Variants in NLK observed in about 807,000 individuals in gnomAD.
NLK encodes the protein nemo like kinase, also known as serine/threonine-protein kinase NLK.
Under a neutral mutation model 59.0 loss-of-function variants are expected in NLK, and 11 were observed. The ratio of observed to expected loss-of-function variants is 0.19; its 90% CI spans 0.12 to 0.31. NLK has a LOEUF of 0.31. Among genes scored for constraint, NLK ranks in the 10% least tolerant of loss-of-function variants. The probability of loss-of-function intolerance (pLI) is 1.00; values close to 1 mark genes in which losing one functional copy is unlikely to be tolerated. For synonymous variants in NLK, 235 were observed against 235.9 expected (o/e 1.00, Z 0.03); for missense variants, 410 against 661.1 (o/e 0.62, Z 4.16).
intron 1 of NLK, among the ~76,000 whole-genome samples, chr17:28,109,714 A>T (rs988030250): frequency 6.6e-6 from 1 of 152,234 alleles, no homozygotes; most frequent in Admixed American, 6.5e-5. Flanking sequence ...GATGTATCAT[A>T]GTTTATGCAT....
At chr17:28,068,617 C>T (rs545804641) in intron 1 of NLK, among the ~76,000 whole-genome samples, 1 of 152,088 alleles carries the variant, frequency 6.6e-6, no homozygotes, top group South Asian at 2.1e-4. Flanking sequence ...TATATTTATT[C>T]TGCAGTTGAT....
intron 2 of NLK, among the ~76,000 whole-genome samples, chr17:28,126,700 C>A (rs530086920): frequency 6.6e-6 from 1 of 152,264 alleles, no homozygotes; most frequent in Admixed American, 6.5e-5. Context: ...CACATACACA[C>A]ACACATCTGA....
chr17:28,137,223 G>A (rs1467971676), intron 3 of NLK, among the ~76,000 whole-genome samples: 1 of 152,052 alleles, frequency 6.6e-6, no homozygotes, highest in Non-Finnish European at 1.5e-5. Flanking sequence ...TTTTAAATAA[G>A]TGATCCTGGA....
chr17:28,192,178 CA>C lies in NLK; in HGVS notation c.1496del (p.Asn499ThrfsTer34). On this transcript the variant is annotated frameshift_variant, in exon 10 of 11. Coordinates refer to ENST00000407008, the MANE Select transcript of NLK (RefSeq NM_016231.5). LOFTEE classifies it high-confidence loss of function. ...QKGNRVPLCI[N>X]PQSAAFKSFI... Reference sequence around the variant, plus strand: ...AAGGAAACAGAGTGCCTCTCTGCATCAACCCTCAGTCTGCTGCTTTTAAGAG... The same window carrying C: ...AAGGAAACAGAGTGCCTCTCTGCATCACCCTCAGTCTGCTGCTTTTAAGAG... 6.2e-7 allele frequency: 1 copy of C among 1,607,042 alleles called. No individual in the cohort carries two copies. The highest frequency in any genetic ancestry group is 8.5e-7 in the Non-Finnish European group (1 of 1,174,826).
At chr17:28,112,679 G>T (rs1367213828) in intron 1 of NLK, among the ~76,000 whole-genome samples, 1 of 152,008 alleles carries the variant, frequency 6.6e-6, no homozygotes, top group African/African-American at 2.4e-5. Flanking sequence ...TTTTGGGTTT[G>T]TTTATTTTTA....
chr17:28,051,246 T>A (rs1382382526), intron 1 of NLK, among the ~76,000 whole-genome samples: 2 of 152,188 alleles, frequency 1.3e-5, no homozygotes, highest in Non-Finnish European at 2.9e-5. Flanking sequence ...TACAATTTTT[T>A]AAAATTATTA....
chr17:28,051,236 T>TA (rs1597652867), intron 1 of NLK, among the ~76,000 whole-genome samples: 2 of 152,230 alleles, frequency 1.3e-5, no homozygotes, highest in Non-Finnish European at 2.9e-5. Flanking sequence ...TATTACTTTT[T>TA]ACAATTTTTT....
intron 1 of NLK, among the ~76,000 whole-genome samples, chr17:28,053,566 G>A (rs1376215084): frequency 1.3e-5 from 2 of 152,136 alleles, no homozygotes; most frequent in African/African-American, 4.8e-5. Context: ...AAGTAGTATA[G>A]AGCTCAGTAG....
At chr17:28,088,175 T>C (rs1312234375) in intron 1 of NLK, among the ~76,000 whole-genome samples, 3 of 152,204 alleles carry the variant, frequency 2.0e-5, no homozygotes, top group Non-Finnish European at 4.4e-5. Flanking sequence ...ATCACATTCA[T>C]GTTTCTGTTT....
At chr17:28,083,849 TATA>T (rs1910426303) in intron 1 of NLK, among the ~76,000 whole-genome samples, 1 of 152,184 alleles carries the variant, frequency 6.6e-6, no homozygotes, top group Admixed American at 6.5e-5. Context: ...TTAAATAATA[TATA>T]GGTATGAAGA....
chr17:28,106,956 AAATT>A (rs1302505498), intron 1 of NLK, among the ~76,000 whole-genome samples: 1 of 152,218 alleles, frequency 6.6e-6, no homozygotes, highest in Non-Finnish European at 1.5e-5. Context: ...AAGATAGACA[AAATT>A]AAGATGAAAA....
intron 1 of NLK, among the ~76,000 whole-genome samples, chr17:28,121,933 GAAAA>G (rs35262110): frequency 6.6e-6 from 1 of 151,314 alleles, no homozygotes; most frequent in African/African-American, 2.4e-5. Flanking sequence ...GGCAAAAAGA[GAAAA>G]AAAAGGGAGT....
At position 28,110,342 on chromosome 17, in the gene NLK, A is replaced by G. The variant is rs367578363; in HGVS notation, c.459-12261A>G. On this transcript the variant is annotated intron_variant, in intron 1 of 10. Coordinates refer to ENST00000407008, the MANE Select transcript of NLK (RefSeq NM_016231.5). ...TGGCATTCCACTGCCTTTGACTTCC[A>G]TTTTTTCTGATGAGAAGTCAGTCAT... Among the ~76,000 whole-genome samples the G allele has an allele frequency of 9.2e-5, 14 of 151,738 alleles. 1 individual carries two copies. In the South Asian group the frequency reaches 2.7e-3, roughly 29 times the overall value.
At chr17:28,201,546 A>G in the NLK span, among the ~76,000 whole-genome samples, 238 of 152,020 alleles carry the variant, frequency 1.6e-3, 1 homozygote, top group African/African-American at 5.4e-3. Flanking sequence ...CATGTCAAAA[A>G]AAAAGAAAAG....
At chr17:28,180,177 T>C (rs1156447041) in intron 7 of NLK, among the ~76,000 whole-genome samples, 1 of 152,194 alleles carries the variant, frequency 6.6e-6, no homozygotes, top group Non-Finnish European at 1.5e-5. Context: ...AATGATACTT[T>C]TATTTTTATT....
intron 3 of NLK, among the ~76,000 whole-genome samples, chr17:28,157,010 G>T (rs1228911815): frequency 2.0e-5 from 3 of 152,028 alleles, no homozygotes; most frequent in Admixed American, 2.0e-4. Context: ...TTTTGTGATA[G>T]TTGTGGGGGG....
intron 7 of NLK, among the ~76,000 whole-genome samples, chr17:28,182,081 C>CCCCT (rs1240096703): frequency 6.6e-6 from 1 of 152,082 alleles, no homozygotes; most frequent in African/African-American, 2.4e-5. Flanking sequence ...ATGGTCCAAC[C>CCCCT]CCCTCATTTT....
chr17:28,071,091 A>T (rs1158190783), intron 1 of NLK, among the ~76,000 whole-genome samples: 1 of 152,182 alleles, frequency 6.6e-6, no homozygotes, highest in South Asian at 2.1e-4. Context: ...TGCCTCCACC[A>T]CTAAATGCTA....
chr17:28,047,767 T>C (rs1597650663), intron 1 of NLK: 1 of 383,868 alleles, frequency 2.6e-6, no homozygotes, highest in Non-Finnish European at 4.6e-6. Context: ...TTTTTTCTTA[T>C]GTTTTGTCTG....
Sources: gnomAD v4.1 joint callset for allele counts (sites outside exome capture counted in the v4.1 genomes callset) on GRCh38, gnomAD v4.1.1 for gene constraint, MANE v1.5 for transcripts, NCBI Gene and HGNC (gene_info 2026-07-23, HGNC 2026-07-21) for gene names.